DPF3: variants seen among roughly 807,000 people sequenced by gnomAD.
The protein encoded by DPF3 is zinc finger protein DPF3.
In DPF3, 18 loss-of-function variants were observed where a neutral mutation model predicts 56.8. The ratio of observed to expected loss-of-function variants is 0.32; its 90% CI spans 0.22 to 0.47. The LOEUF (loss-of-function observed/expected upper bound fraction) is 0.47. DPF3 is among the 20% of genes least tolerant of loss of function. DPF3 has a pLI of 1.00. For missense variants in DPF3, 403 were observed against 488.8 expected, an observed-to-expected ratio of 0.82 and a Z score of 1.65; for synonymous variants, 188 against 180.2, an observed-to-expected ratio of 1.04 and a Z score of -0.35.
intron 8 of DPF3, among the ~76,000 whole-genome samples, chr14:72,645,911 C>T (rs867696320): frequency 4.6e-5 from 7 of 152,168 alleles, no homozygotes; most frequent in African/African-American, 7.2e-5. Flanking sequence ...GTCTACACTC[C>T]GGCTACACAA....
chr14:72,793,709 G>A (rs769695258), intron 1 of DPF3, among the ~76,000 whole-genome samples: 10 of 152,198 alleles, frequency 6.6e-5, no homozygotes, highest in Non-Finnish European at 1.3e-4. Context: ...ACAGATCACC[G>A]TCCCCACCTC....
rs1387016086 is a variant in DPF3 at position 72,610,920 on chromosome 14, A to G, written c.*8377T>C. 6.6e-6 allele frequency among the ~76,000 whole-genome samples: 1 copy of G among 152,242 alleles called. No individual in the cohort carries two copies. The highest frequency in any genetic ancestry group is 6.5e-5 in the Admixed American group (1 of 15,288). ...GGGCCATTCAGAGAAGTCTTGGCTC[A>G]AAAGAACGTTGCCCACAGGCTTTCA... On this transcript the variant is annotated 3_prime_UTR_variant, in exon 11 of 11. Transcript: ENST00000556509.
At chr14:72,773,842 A>AT (rs773822686) in intron 1 of DPF3, 2 of 455,532 alleles carry the variant, frequency 4.4e-6, no homozygotes, top group Admixed American at 2.4e-5. Flanking sequence ...TCAGAATAAT[A>AT]TTTTTTAAGT....
intron 2 of DPF3, among the ~76,000 whole-genome samples, chr14:72,764,322 C>T (rs1372727604): frequency 6.6e-6 from 1 of 152,030 alleles, no homozygotes; most frequent in Non-Finnish European, 1.5e-5. Flanking sequence ...GGTTGATGAA[C>T]ATGTGGGGGT....
intron 1 of DPF3, among the ~76,000 whole-genome samples, chr14:72,786,250 G>A (rs1287113810): frequency 2.0e-5 from 3 of 150,236 alleles, no homozygotes; most frequent in Admixed American, 6.6e-5. Context: ...GCAACAGAGC[G>A]AGACTCCACC....
Position 72,613,370 on chromosome 14 carries a change from C to T in DPF3, c.*5927G>A, listed in dbSNP as rs939952177. Among the ~76,000 whole-genome samples, 1 of 152,184 alleles carries T rather than the reference C, an allele frequency of 6.6e-6. No homozygotes were observed. The highest frequency in any genetic ancestry group is 2.4e-5 in the African/African-American group (1 of 41,440). ...TAGAGGTCATGATAAGTAATTATAT[C>T]TCTGTCCAAGAGGGTTCTGGCTGCC... On this transcript the variant is annotated 3_prime_UTR_variant, in exon 11 of 11. Coordinates refer to ENST00000556509, the MANE Select transcript of DPF3 (RefSeq NM_001280542.3).
At chr14:72,670,585 C>A in intron 8 of DPF3, 1 of 987,028 alleles carries the variant, frequency 1.0e-6, no homozygotes, top group Non-Finnish European at 1.2e-6. Context: ...TTCTCCCCAC[C>A]GGGCGGCTTG....
intron 8 of DPF3, among the ~76,000 whole-genome samples, chr14:72,643,351 C>T (rs1172865471): frequency 6.6e-6 from 1 of 152,226 alleles, no homozygotes; most frequent in Non-Finnish European, 1.5e-5. Flanking sequence ...AGCCTCAATG[C>T]TCCATGCCTC....
intron 8 of DPF3, among the ~76,000 whole-genome samples, chr14:72,652,123 G>C (rs1432682984): frequency 6.6e-6 from 1 of 152,224 alleles, no homozygotes; most frequent in Non-Finnish European, 1.5e-5. Context: ...AATGAGGCTA[G>C]AGAACCTGGG....
At chr14:72,879,213 A>T (rs1886230407) in intron 1 of DPF3, among the ~76,000 whole-genome samples, 1 of 152,054 alleles carries the variant, frequency 6.6e-6, no homozygotes, top group Admixed American at 6.6e-5. Context: ...GTGAAACGCC[A>T]TCTCTACTAA....
chr14:72,815,189 A>G (rs894109328), intron 1 of DPF3, among the ~76,000 whole-genome samples: 1 of 152,286 alleles, frequency 6.6e-6, no homozygotes, highest in African/African-American at 2.4e-5. Flanking sequence ...CAGACATTTC[A>G]CAAAAGAAAA....
At chr14:72,750,703 C>A (rs887683391) in intron 3 of DPF3, among the ~76,000 whole-genome samples, 2 of 136,750 alleles carry the variant, frequency 1.5e-5, no homozygotes, top group African/African-American at 5.3e-5. Context: ...GTGCAAAATC[C>A]AAAGTGGTTG....
intron 8 of DPF3, chr14:72,671,114 C>T (rs764532847): frequency 6.2e-7 from 1 of 1,612,664 alleles, no homozygotes; most frequent in Middle Eastern, 1.6e-4. Context: ...GGCTAATTGC[C>T]CAGAGAGTCT....
intron 2 of DPF3, among the ~76,000 whole-genome samples, chr14:72,756,906 A>AAAAGAAAGAAAGAAAGAAAGAAAGAGAG (rs1890845927): frequency 1.3e-5 from 1 of 74,660 alleles, no homozygotes; most frequent in African/African-American, 6.7e-5. Flanking sequence ...AGAAAAGAAA[A>AAAAGAAAGAAAGAAAGAAAGAAAGAGAG]AAAGAAAGAA....
rs112769552 is a variant in DPF3 at position 72,748,349 on chromosome 14, T to C, written c.301+4915A>G. 6.0e-3 allele frequency among the ~76,000 whole-genome samples: 908 copies of C among 152,320 alleles called. 4 individuals carry two copies. Among genetic ancestry groups the C allele is most frequent in the South Asian group, 0.012 (57 of 4,826 alleles). ...CTTGAGAGAGATGATTTAGGGTATC[T>C]GGTGGAAAAAATTTCTAAGCAGCAA... is the stretch of plus-strand genomic sequence containing the variant. On this transcript the variant is annotated intron_variant, in intron 3 of 10. Coordinates refer to ENST00000556509, the MANE Select transcript of DPF3 (RefSeq NM_001280542.3).
intron 1 of DPF3, among the ~76,000 whole-genome samples, chr14:72,874,759 C>T (rs1886043708): frequency 6.6e-6 from 1 of 152,200 alleles, no homozygotes; most frequent in South Asian, 2.1e-4. Flanking sequence ...CCAAACTTTC[C>T]CACATTTTCC....
intron 1 of DPF3, among the ~76,000 whole-genome samples, chr14:72,892,818 C>T (rs1276019519): frequency 1.3e-5 from 2 of 152,176 alleles, no homozygotes; most frequent in Non-Finnish European, 2.9e-5. Context: ...ACCTCGGATA[C>T]GGAGGGAGCC....
intron 3 of DPF3, 127 bp downstream of exon 3, chr14:72,753,136 TG>T: frequency 1.4e-6 from 1 of 737,814 alleles, no homozygotes. Context: ...AAGCATGATG[TG>T]GGCATGTTCC....
At position 72,716,397 on chromosome 14, in the gene DPF3, T is replaced by C. The variant is rs533323418; in HGVS notation, c.526-1896A>G. ...GACTCTTCCTGAGGCAGCAGCACTC[T>C]TAGGGTCTCTTAGAAGATCTCAGGT... On this transcript the variant is annotated intron_variant, in intron 5 of 10. Transcript: ENST00000556509. Among the ~76,000 whole-genome samples, 3 of 152,252 alleles carry C rather than the reference T, an allele frequency of 2.0e-5. No individual in the cohort carries two copies. The South Asian group carries it at 6.2e-4, about 32-fold the overall frequency.
Sources: allele counts gnomAD v4.1 joint callset (sites outside exome capture counted in the v4.1 genomes callset), GRCh38; gene constraint gnomAD v4.1.1; transcripts MANE v1.5; gene names NCBI Gene and HGNC (gene_info 2026-07-23, HGNC 2026-07-21).